Variants in RGS3 observed in about 807,000 individuals in gnomAD.
RGS3 encodes the protein regulator of G protein signaling 3, also known as regulator of G-protein signalling 3.
RGS3 carries 80 observed loss-of-function variants against 132.6 expected under a neutral mutation model. That is an observed-to-expected ratio of 0.60 (90% CI 0.50 to 0.73). RGS3 has a LOEUF of 0.73. Among genes scored for constraint, RGS3 ranks in the 30% least tolerant of loss-of-function variants. RGS3 has a pLI of 0.00. For synonymous variants in RGS3, 598 were observed against 620.6 expected (o/e 0.96, Z 0.54); for missense variants, 1,382 against 1,530.8 (o/e 0.90, Z 1.62).
At chr9:113,596,959 A>G (rs529612623) in exon 25 of RGS3, 4 of 1,592,592 alleles carry the variant, frequency 2.5e-6, no homozygotes, top group African/African-American at 2.7e-5. Context: ...TTTAGGGGCC[A>G]CTGGAGTCGA....
chr9:113,485,747 A>C (rs1156932415), intron 7 of RGS3, 54 bp downstream of exon 5: 4 of 1,378,780 alleles, frequency 2.9e-6, no homozygotes, highest in African/African-American at 1.4e-5. Flanking sequence ...AGTGGGTGAC[A>C]GCCAGGTGGC....
chr9:113,525,425 C>T (rs565310383), intron 17 of RGS3, among the ~76,000 whole-genome samples: 23 of 152,178 alleles, frequency 1.5e-4, no homozygotes, highest in Admixed American at 6.5e-4. Flanking sequence ...TGAGTCCTGG[C>T]GTCCAATTTC....
upstream of RGS3, among the ~76,000 whole-genome samples, chr9:113,458,917 A>G (rs1018320773): frequency 3.3e-5 from 5 of 152,020 alleles, no homozygotes; most frequent in African/African-American, 7.2e-5. Context: ...ACACCTGACT[A>G]TCTTTTGTAT....
At chr9:113,538,229 G>T (rs1832759766) in intron 19 of RGS3, among the ~76,000 whole-genome samples, 1 of 152,204 alleles carries the variant, frequency 6.6e-6, no homozygotes, top group Non-Finnish European at 1.5e-5. Flanking sequence ...GGAATGCATT[G>T]CCCCCTGCCC....
At chr9:113,445,133 T>C (rs1829074017) in intron 1 of RGS3, among the ~76,000 whole-genome samples, 1 of 152,210 alleles carries the variant, frequency 6.6e-6, no homozygotes. Flanking sequence ...TTTGCTACTT[T>C]GTGATCCCTG....
rs1168023656 is a variant in RGS3, at chr9:113,507,579, G to A, written c.1378G>A (p.Ala460Thr). 1 of 1,533,876 alleles carries A rather than the reference G, an allele frequency of 6.5e-7. No homozygotes were observed. Among genetic ancestry groups the A allele is most frequent in the Admixed American group, 2.0e-5 (1 of 50,082 alleles). Reference sequence around the variant, plus strand: ...GCACACCCTGCCTGCACTGTCCCGTGCCACTGCCCCCACCGACCCCAACTA... The same window carrying A: ...GCACACCCTGCCTGCACTGTCCCGTACCACTGCCCCCACCGACCCCAACTA... The change falls in exon 13 of 25, where the codon GCC (alanine) becomes ACC (threonine). Residue 460 changes from alanine (A) to threonine (T), a missense_variant. Coordinates refer to ENST00000350696, the Ensembl canonical transcript of RGS3. This position sits in a 1 kb window ranked among gnomAD's most constrained non-coding sequence, Gnocchi z 5.0.
intron 19 of RGS3, chr9:113,541,699 G>A (rs995908813): frequency 2.8e-6 from 3 of 1,077,426 alleles, no homozygotes; most frequent in Non-Finnish European, 3.4e-6. Context: ...AGGAGGAGGA[G>A]GAGGACATTC....
intron 19 of RGS3, among the ~76,000 whole-genome samples, chr9:113,550,013 T>C (rs1833268116): frequency 6.6e-6 from 1 of 152,196 alleles, no homozygotes; most frequent in Non-Finnish European, 1.5e-5. Flanking sequence ...AAAAATCCTC[T>C]TAGGTGTATC....
chr9:113,563,517 G>A (rs1833875320), intron 19 of RGS3, among the ~76,000 whole-genome samples: 1 of 152,166 alleles, frequency 6.6e-6, no homozygotes, highest in South Asian at 2.1e-4. Context: ...AGCCTCATTG[G>A]TGATTGTTTA....
At chr9:113,558,439 G>T (rs1293779007) in intron 19 of RGS3, among the ~76,000 whole-genome samples, 1 of 152,122 alleles carries the variant, frequency 6.6e-6, no homozygotes, top group Non-Finnish European at 1.5e-5. Context: ...GGAGGCGGAG[G>T]TTGCAATGAG....
chr9:113,501,347 ACT>A, intron 10 of RGS3: 1 of 1,230,832 alleles, frequency 8.1e-7, no homozygotes, highest in Non-Finnish European at 1.1e-6. Flanking sequence ...TTAATATAAA[ACT>A]CTCCCTCTTC....
chr9:113,523,148 G>T (rs945582904), intron 17 of RGS3, 107 bp downstream of exon 15: 3 of 742,200 alleles, frequency 4.0e-6, no homozygotes, highest in Non-Finnish European at 7.2e-6. Flanking sequence ...GGGCACTGGA[G>T]TGTGTGCTGC....
intron 3 of RGS3, chr9:113,462,222 C>T (rs1829491720): frequency 7.1e-7 from 1 of 1,402,150 alleles, no homozygotes; most frequent in African/African-American, 1.5e-5. Flanking sequence ...CTGTCACTGG[C>T]TTGAGGCTAG....
intron 19 of RGS3, among the ~76,000 whole-genome samples, chr9:113,567,243 C>T (rs942298767): frequency 1.3e-4 from 20 of 152,070 alleles, no homozygotes; most frequent in African/African-American, 4.8e-4. Flanking sequence ...CCCTCCCCTC[C>T]CCCTCCATGT....
At chr9:113,458,296 C>G (rs1469004026), upstream of RGS3, among the ~76,000 whole-genome samples, 1 of 152,208 alleles carries the variant, frequency 6.6e-6, no homozygotes. Flanking sequence ...TTTCACCCAA[C>G]CATTTGAAAA....
chr9:113,536,299 C>T (rs1472751600), intron 18 of RGS3, among the ~76,000 whole-genome samples: 1 of 152,214 alleles, frequency 6.6e-6, no homozygotes, highest in Non-Finnish European at 1.5e-5. Context: ...TGTTTGGGTT[C>T]TGTTGGTATG....
In RGS3 at chr9:113,447,329, G is replaced by GTGTATATATATATATA. The variant is rs1554751009; in HGVS notation, c.-13+2403_-13+2404insGTATATATATATATAT. On this transcript the variant is annotated intron_variant, in intron 1 of 25. Coordinates refer to the RGS3 transcript ENST00000374140. Reference sequence around the variant, plus strand: ...CCAATAAATTCTGATGTATGTATATGTATATATATATATATATATATATAT... The same window carrying GTGTATATATATATATA: ...CCAATAAATTCTGATGTATGTATATGTGTATATATATATATATATATATATATATATATATATATAT... Among the ~76,000 whole-genome samples the GTGTATATATATATATA allele has an allele frequency of 2.5e-3, 69 of 27,546 alleles. 2 individuals are homozygous for GTGTATATATATATATA. The highest frequency in any genetic ancestry group is 3.9e-3 in the African/African-American group (40 of 10,192). 18.1% of individuals were successfully genotyped at this position (27,546 alleles called of 152,430 possible).
chr9:113,566,023 C>T (rs1327650446), intron 19 of RGS3, among the ~76,000 whole-genome samples: 1 of 152,022 alleles, frequency 6.6e-6, no homozygotes, highest in African/African-American at 2.4e-5. Context: ...TTTTCTTTCT[C>T]AGAGAAACAA....
intron 3 of RGS3, chr9:113,462,256 A>T (rs1829493522): frequency 8.4e-7 from 1 of 1,187,892 alleles, no homozygotes; most frequent in Non-Finnish European, 1.1e-6. Context: ...CTCTTGTTAA[A>T]GGCAGTGTTC....
Sources: allele counts gnomAD v4.1 joint callset (sites outside exome capture counted in the v4.1 genomes callset), GRCh38; gene constraint gnomAD v4.1.1; non-coding constraint Gnocchi (gnomAD v3.1); transcripts MANE v1.5; gene names NCBI Gene and HGNC (gene_info 2026-07-23, HGNC 2026-07-21).